Variants in ZNF736 observed in about 807,000 individuals in gnomAD.
ZNF736 encodes KRAB-containing zinc-finger repressor protein.
Under a neutral mutation model 11.7 loss-of-function variants are expected in ZNF736, and 6 were observed. The observed-to-expected ratio is 0.51, with a 90% confidence interval of 0.28 to 1.01. The LOEUF (loss-of-function observed/expected upper bound fraction) is 1.01. Ranked by LOEUF, ZNF736 falls within the 50% of genes least tolerant of loss-of-function variation. The pLI, the probability that ZNF736 is intolerant of heterozygous loss-of-function variation, is 0.09. For synonymous variants in ZNF736, 139 were observed against 164.7 expected (o/e 0.84, Z 1.19); for missense variants, 444 against 496.0 (o/e 0.90, Z 1.00).
rs980796795 is a variant in ZNF736 at position 64,354,314 on chromosome 7, A to G, written c.*5167A>G. ...AAATATATAGATATATCACTGTAAA[A>G]TAAACTTCAGGTGTAACAGATTTAT... On this transcript the variant is annotated 3_prime_UTR_variant, in exon 4 of 4. Coordinates refer to ENST00000423484, the MANE Select transcript of ZNF736 (RefSeq NM_001170905.3). 3 of 152,194 alleles carry G rather than the reference A, an allele frequency of 2.0e-5. No individual in the cohort carries two copies. Among genetic ancestry groups the G allele is most frequent in the African/African-American group, 7.2e-5 (3 of 41,466 alleles). The allele number at this position is 152,194 out of a possible 1,614,324, so 9.4% of individuals were successfully genotyped here.
chr7:64,346,175 T>G (rs1789407343), intron 3 of ZNF736, among the ~76,000 whole-genome samples: 1 of 152,228 alleles, frequency 6.6e-6, no homozygotes, highest in Admixed American at 6.5e-5. Flanking sequence ...ATGAACCCTC[T>G]TATTATAATT....
chr7:64,325,853 G>A (rs1448455761), intron 1 of ZNF736, among the ~76,000 whole-genome samples: 2 of 152,022 alleles, frequency 1.3e-5, no homozygotes, highest in Non-Finnish European at 2.9e-5. Flanking sequence ...CCTACAGTAG[G>A]TAACTTCATA....
intron 3 of ZNF736, 61 bp from the exon 4 acceptor site, chr7:64,348,029 T>C: frequency 6.3e-6 from 8 of 1,263,482 alleles, no homozygotes; most frequent in Middle Eastern, 1.9e-4. Flanking sequence ...TGTATAATTA[T>C]ATATTTGTGA....
chr7:64,330,588 C>T (rs879864880), intron 1 of ZNF736, among the ~76,000 whole-genome samples: 6 of 152,086 alleles, frequency 3.9e-5, no homozygotes, highest in South Asian at 2.1e-4. Context: ...AATCAAGCTT[C>T]GAGACAAAGT....
In ZNF736 at chr7:64,322,670, C is replaced by G. The variant is rs529505763; in HGVS notation, c.3+8517C>G. On this transcript the variant is annotated intron_variant, in intron 1 of 3. Coordinates refer to ENST00000423484, the MANE Select transcript of ZNF736 (RefSeq NM_001170905.3). ...TCAACTTTTATAAGTTACACAGCCT[C>G]TTTGTGTCTCACAGCTCTTATTTGT... is the stretch of plus-strand genomic sequence containing the variant. Among the ~76,000 whole-genome samples the G allele has an allele frequency of 2.1e-4, 32 of 152,294 alleles. 1 individual carries two copies. In the South Asian group the frequency reaches 6.2e-3, roughly 30 times the overall value.
intron 3 of ZNF736, among the ~76,000 whole-genome samples, chr7:64,345,297 C>T (rs1789394305): frequency 6.6e-6 from 1 of 150,602 alleles, no homozygotes; most frequent in African/African-American, 2.4e-5. Context: ...GCTGGGATTA[C>T]AGGCGTGAAC....
At chr7:64,322,137 G>A (rs1789012017) in intron 1 of ZNF736, among the ~76,000 whole-genome samples, 1 of 151,774 alleles carries the variant, frequency 6.6e-6, no homozygotes, top group Non-Finnish European at 1.5e-5. Flanking sequence ...TGTCCACATT[G>A]TTTTTTATAG....
intron 1 of ZNF736, among the ~76,000 whole-genome samples, chr7:64,319,333 GTATATATATATATATATATATA>G (rs71060585): frequency 0.11 from 7,652 of 71,718 alleles, 485 homozygotes; most frequent in Non-Finnish European, 0.12. Flanking sequence ...GTGTGTATGT[GTATATATATATATATATATATA>G]TATATATATA....
chr7:64,336,115 A>G, intron 1 of ZNF736, 144 bp from the exon 2 acceptor site: 2 of 915,052 alleles, frequency 2.2e-6, no homozygotes, highest in Non-Finnish European at 3.2e-6. Context: ...TACACTAGAG[A>G]ATATTTCTGT....
intron 1 of ZNF736, among the ~76,000 whole-genome samples, chr7:64,326,349 G>C (rs1405295790): frequency 6.6e-6 from 1 of 151,630 alleles, no homozygotes; most frequent in Non-Finnish European, 1.5e-5. Context: ...ACTTCAGCCA[G>C]ATTTGTAGAA....
chr7:64,329,197 T>C (rs1418071889), intron 1 of ZNF736, among the ~76,000 whole-genome samples: 1 of 152,196 alleles, frequency 6.6e-6, no homozygotes, highest in African/African-American at 2.4e-5. Context: ...TGAGCTTTTT[T>C]GAATTTCCTG....
chr7:64,325,328 T>C (rs1463971106), intron 1 of ZNF736, among the ~76,000 whole-genome samples: 2 of 152,262 alleles, frequency 1.3e-5, no homozygotes, highest in Admixed American at 1.3e-4. Flanking sequence ...CTTATTTCAC[T>C]AGAGCTTTTG....
chr7:64,338,907 A>G (rs1355453821), intron 3 of ZNF736, among the ~76,000 whole-genome samples: 1 of 152,020 alleles, frequency 6.6e-6, no homozygotes, highest in Admixed American at 6.6e-5. Context: ...AAGAACCTAC[A>G]TACTAGATTT....
In ZNF736 at chr7:64,348,429, CTAGACATAAG is replaced by C. The variant is rs1789440539; in HGVS notation, c.567_576del (p.Arg190LysfsTer5). 1.9e-6 allele frequency: 3 copies of C among 1,550,350 alleles called. No homozygotes were observed. The Admixed American group carries it at 5.9e-5, about 30-fold the overall frequency. ...GACTGTAGGTTGTTCTCAGATTTTA[CTAGACATAAG>C]AAAATTCATACTGTAGAGAGATGCT... On this transcript the variant is annotated frameshift_variant, in exon 4 of 4. Transcript: ENST00000423484. LOFTEE classifies it low-confidence loss of function (END_TRUNC).
intron 1 of ZNF736, among the ~76,000 whole-genome samples, chr7:64,315,839 A>G (rs553140903): frequency 6.6e-6 from 1 of 152,282 alleles, no homozygotes; most frequent in Admixed American, 6.5e-5. Flanking sequence ...ATTATGAACT[A>G]TCAGTTCTTT....
chr7:64,320,340 TG>T (rs1788986694), intron 1 of ZNF736, among the ~76,000 whole-genome samples: 1 of 152,156 alleles, frequency 6.6e-6, no homozygotes, highest in Admixed American at 6.5e-5. Flanking sequence ...AACAGGAGAA[TG>T]AAAGCTGTCT....
chr7:64,349,107 A>G lies in ZNF736; in HGVS notation c.1244A>G (p.His415Arg), dbSNP rs1310345475. Reference sequence around the variant, plus strand: ...AGCTGGTTCTCACACCTCATCAGACATAAGAGAATTCATACTAGAGAGAAG... The same window carrying G: ...AGCTGGTTCTCACACCTCATCAGACGTAAGAGAATTCATACTAGAGAGAAG... Reference protein sequence around the residue: ...ASSWFSHLIRHKRIHTREKLH... With the variant: ...ASSWFSHLIRRKRIHTREKLH... Residue 415 changes from histidine (H) to arginine (R), a missense_variant, in exon 4 of 4, where the codon CAT becomes CGT. By Grantham distance (29) the His-to-Arg change is conservative. Transcript: ENST00000423484. 9 of 1,578,374 alleles carry G rather than the reference A, an allele frequency of 5.7e-6. No individual in the cohort carries two copies. The highest frequency in any genetic ancestry group is 7.7e-6 in the Non-Finnish European group (9 of 1,162,120).
At chr7:64,314,462 A>C (rs1348131882) in intron 1 of ZNF736, among the ~76,000 whole-genome samples, 2 of 152,172 alleles carry the variant, frequency 1.3e-5, no homozygotes, top group African/African-American at 2.4e-5. Context: ...TGGGAGTGTC[A>C]TAAGACGGGA....
intron 1 of ZNF736, among the ~76,000 whole-genome samples, chr7:64,334,973 C>A (rs949159240): frequency 3.2e-4 from 48 of 152,194 alleles, no homozygotes; most frequent in African/African-American, 1.2e-3. Flanking sequence ...AGAATGAGTT[C>A]ACGTCCTTTG....
Sources: allele counts gnomAD v4.1 joint callset (sites outside exome capture counted in the v4.1 genomes callset), GRCh38; gene constraint gnomAD v4.1.1; transcripts MANE v1.5; gene names NCBI Gene and HGNC (gene_info 2026-07-23, HGNC 2026-07-21).